SPATA16: variants seen among roughly 807,000 people sequenced by gnomAD.
SPATA16 encodes spermatogenesis associated 16.
In SPATA16, 36 loss-of-function variants were observed where a neutral mutation model predicts 63.3. The ratio of observed to expected loss-of-function variants is 0.57; its 90% CI spans 0.44 to 0.75. The LOEUF (loss-of-function observed/expected upper bound fraction) is 0.75, where lower values mean the gene tolerates loss of function less well. SPATA16 is among the 30% of genes least tolerant of loss of function. The probability of loss-of-function intolerance (pLI) is 0.00; values close to 1 mark genes in which losing one functional copy is unlikely to be tolerated. For missense variants in SPATA16, 646 were observed against 679.3 expected (o/e 0.95, Z 0.54); for synonymous variants, 203 against 216.7 (o/e 0.94, Z 0.56).
intron 1 of SPATA16, among the ~76,000 whole-genome samples, chr3:173,137,953 T>A (rs1463505875): frequency 6.6e-6 from 1 of 152,092 alleles, no homozygotes; most frequent in African/African-American, 2.4e-5. Context: ...ACTGCAATCC[T>A]TTCTTTCTTC....
intron 2 of SPATA16, among the ~76,000 whole-genome samples, chr3:173,070,290 T>A (rs6445099): frequency 1.3e-5 from 2 of 150,686 alleles, no homozygotes; most frequent in Non-Finnish European, 1.5e-5. Context: ...AGCCACTCAG[T>A]AGGCTGAGGC....
At chr3:173,101,562 C>A (rs1034995110) in intron 2 of SPATA16, among the ~76,000 whole-genome samples, 1 of 152,106 alleles carries the variant, frequency 6.6e-6, no homozygotes, top group Non-Finnish European at 1.5e-5. Flanking sequence ...AATTATTTTC[C>A]CTCATTTACT....
At chr3:173,037,266 T>G (rs972168313) in intron 3 of SPATA16, among the ~76,000 whole-genome samples, 3 of 152,050 alleles carry the variant, frequency 2.0e-5, no homozygotes, top group African/African-American at 7.2e-5. Flanking sequence ...GTACTACATG[T>G]GACTTCTCGA....
At chr3:172,944,623 G>A (rs1457103589) in intron 6 of SPATA16, among the ~76,000 whole-genome samples, 2 of 152,218 alleles carry the variant, frequency 1.3e-5, no homozygotes, top group East Asian at 1.9e-4. Context: ...TAAACAAAAT[G>A]TGATATACAC....
At chr3:172,933,734 T>C (rs1338866294) in intron 6 of SPATA16, among the ~76,000 whole-genome samples, 1 of 152,214 alleles carries the variant, frequency 6.6e-6, no homozygotes, top group Non-Finnish European at 1.5e-5. Context: ...CAATGTGTTC[T>C]GCCCCTTTAA....
intron 5 of SPATA16, among the ~76,000 whole-genome samples, chr3:172,972,046 G>C (rs1184047061): frequency 6.6e-6 from 1 of 152,150 alleles, no homozygotes. Context: ...CCAGCTCCCA[G>C]TTTTGTCCCT....
chr3:172,947,550 C>T (rs1267570979), intron 6 of SPATA16, among the ~76,000 whole-genome samples: 4 of 150,206 alleles, frequency 2.7e-5, no homozygotes, highest in East Asian at 1.9e-4. Flanking sequence ...AATAGCAACA[C>T]GGTGGTGTAG....
intron 10 of SPATA16, among the ~76,000 whole-genome samples, chr3:172,910,476 G>C (rs984182819): frequency 1.3e-5 from 2 of 151,994 alleles, no homozygotes; most frequent in Non-Finnish European, 1.5e-5. Context: ...ACTTAACTCA[G>C]TCAAGTTGAC....
At chr3:172,911,772 T>C (rs866415091) in intron 10 of SPATA16, among the ~76,000 whole-genome samples, 2 of 152,300 alleles carry the variant, frequency 1.3e-5, no homozygotes, top group Middle Eastern at 3.4e-3. Context: ...ATCCCATCAG[T>C]TGAACAAGGC....
At chr3:173,133,404 G>T (rs1414009743) in intron 1 of SPATA16, among the ~76,000 whole-genome samples, 1 of 152,306 alleles carries the variant, frequency 6.6e-6, no homozygotes, top group East Asian at 1.9e-4. Context: ...GGCCCGCACA[G>T]TCAGTGCAGG....
chr3:173,104,632 C>T (rs1239573015), intron 2 of SPATA16, among the ~76,000 whole-genome samples: 1 of 152,096 alleles, frequency 6.6e-6, no homozygotes, highest in East Asian at 1.9e-4. Flanking sequence ...GAGGACAACA[C>T]CAAGCCATGA....
intron 4 of SPATA16, among the ~76,000 whole-genome samples, chr3:172,992,065 G>T (rs1734590516): frequency 6.6e-6 from 1 of 152,048 alleles, no homozygotes; most frequent in Non-Finnish European, 1.5e-5. Context: ...ACTAGTTAAT[G>T]GTATGGGCGT....
At chr3:173,077,825 T>C (rs968426517) in intron 2 of SPATA16, among the ~76,000 whole-genome samples, 17 of 152,144 alleles carry the variant, frequency 1.1e-4, no homozygotes, top group Non-Finnish European at 1.9e-4. Flanking sequence ...TTAGAAAATA[T>C]AGGTTAACAT....
intron 2 of SPATA16, among the ~76,000 whole-genome samples, chr3:173,114,421 A>G (rs750504366): frequency 6.6e-6 from 1 of 152,182 alleles, no homozygotes; most frequent in African/African-American, 2.4e-5. Context: ...TCGTGGAGAC[A>G]CTGTGTGCCT....
In SPATA16 at chr3:173,117,443, G is replaced by A. The variant is rs1158031880; in HGVS notation, c.289C>T (p.Gln97Ter). Residue 97 changes from glutamine (Q) to a stop codon, truncating the protein, a stop_gained, in exon 2 of 11, where the codon CAG becomes TAG. Coordinates refer to ENST00000351008, the MANE Select transcript of SPATA16 (RefSeq NM_031955.6). LOFTEE classifies it high-confidence loss of function. The stretch of plus-strand genomic sequence containing the variant: ...TTGTCAAGTTCTGTTATCTTTGCCT[G>A]TTTCTTTCTAGTTGGCTTTTCTTCA... ...EGEEKPTRKK[Q>*]AKITELDNQL... is the part of the protein sequence containing the mutation. 1.2e-6 allele frequency: 2 copies of A among 1,614,000 alleles called. No homozygotes were observed. The highest frequency in any genetic ancestry group is 2.7e-5 in the African/African-American group (2 of 74,930).
At chr3:173,119,642 G>A (rs1738002933) in intron 1 of SPATA16, among the ~76,000 whole-genome samples, 1 of 152,132 alleles carries the variant, frequency 6.6e-6, no homozygotes, top group African/African-American at 2.4e-5. Flanking sequence ...GTTTCTATAG[G>A]ATAAAACATT....
In SPATA16 at chr3:172,925,471, A is replaced by G. The variant is rs1486531171; in HGVS notation, c.1103T>C (p.Leu368Ser). 7 of 1,613,986 alleles carry G rather than the reference A, an allele frequency of 4.3e-6. No homozygotes were observed. The highest frequency in any genetic ancestry group is 5.9e-6 in the Non-Finnish European group (7 of 1,179,960). ...AGATGACCAGTCAACTGTCTGAGGC[A>G]ACATGTGGAGTGCTTGAAGATCTGA... The part of the protein sequence containing the change: ...MYTDLQALHM[L>S]PQTVDWSSFP... Residue 368 changes from leucine to serine, a missense_variant, in exon 7 of 11, where the codon TTG (leucine) becomes TCG (serine). Coordinates refer to ENST00000351008, the MANE Select transcript of SPATA16 (RefSeq NM_031955.6).
At chr3:172,930,925 C>T (rs34600778) in intron 6 of SPATA16, among the ~76,000 whole-genome samples, 74,920 of 151,820 alleles carry the variant, frequency 0.49, 21,552 homozygotes, top group East Asian at 0.68. Flanking sequence ...TACCTTCTGG[C>T]GATTCTCCTG....
chr3:172,959,574 A>C (rs954464844), intron 5 of SPATA16, among the ~76,000 whole-genome samples: 2 of 152,170 alleles, frequency 1.3e-5, no homozygotes, highest in African/African-American at 4.8e-5. Context: ...TGTATTCTCC[A>C]TGGAGATGCT....
Sources: gnomAD v4.1 joint callset for allele counts (sites outside exome capture counted in the v4.1 genomes callset) on GRCh38, gnomAD v4.1.1 for gene constraint, MANE v1.5 for transcripts, NCBI Gene and HGNC (gene_info 2026-07-23, HGNC 2026-07-21) for gene names.